Variants in ACSBG1 observed in about 807,000 individuals in gnomAD.
ACSBG1 encodes the protein acyl-CoA synthetase bubblegum family member 1.
A neutral mutation model predicts 80.2 loss-of-function variants in ACSBG1; 39 were observed. That is an observed-to-expected ratio of 0.49 (90% CI 0.38 to 0.64). The LOEUF (loss-of-function observed/expected upper bound fraction) is 0.64. Ranked by LOEUF, ACSBG1 falls within the 30% of genes least tolerant of loss-of-function variation. The probability of loss-of-function intolerance (pLI) is 0.00; values close to 1 mark genes in which losing one functional copy is unlikely to be tolerated. For synonymous variants in ACSBG1, 392 were observed against 379.5 expected (o/e 1.03, Z -0.38); for missense variants, 828 against 966.4 (o/e 0.86, Z 1.90).
intron 2 of ACSBG1, among the ~76,000 whole-genome samples, chr15:78,197,018 TG>T (rs1270412893): frequency 6.6e-6 from 1 of 151,728 alleles, no homozygotes; most frequent in Non-Finnish European, 1.5e-5. Flanking sequence ...GAGCCATGAT[TG>T]CACCACTGCA....
At chr15:78,215,950 G>A (rs1223335644) in intron 1 of ACSBG1, among the ~76,000 whole-genome samples, 2 of 152,164 alleles carry the variant, frequency 1.3e-5, no homozygotes, top group Non-Finnish European at 2.9e-5. Flanking sequence ...AGCCGCCTAT[G>A]ACACTTTTCA....
intron 1 of ACSBG1, among the ~76,000 whole-genome samples, chr15:78,234,063 A>G (rs535549811): frequency 6.6e-6 from 1 of 152,348 alleles, no homozygotes; most frequent in South Asian, 2.1e-4. Context: ...TTGAGGAGAC[A>G]GGGAAACATT....
intron 1 of ACSBG1, among the ~76,000 whole-genome samples, chr15:78,220,473 T>A (rs1394552624): frequency 6.6e-6 from 1 of 152,190 alleles, no homozygotes; most frequent in East Asian, 1.9e-4. Flanking sequence ...TAAATTGGAC[T>A]TCATCAAAAT....
At chr15:78,196,118 T>G (rs775740809) in intron 2 of ACSBG1, among the ~76,000 whole-genome samples, 1 of 152,132 alleles carries the variant, frequency 6.6e-6, no homozygotes. Flanking sequence ...AGAGAGGTGC[T>G]TGGCACCTCT....
rs919912842 is a variant in ACSBG1 at position 78,178,408 on chromosome 15, C to T, written c.1702+206G>A. 6.6e-6 allele frequency among the ~76,000 whole-genome samples: 1 copy of T among 152,188 alleles called. No individual in the cohort carries two copies. The highest frequency in any genetic ancestry group is 1.5e-5 in the Non-Finnish European group (1 of 68,040). On this transcript the variant is annotated intron_variant, in intron 11 of 13. Coordinates refer to ENST00000258873, the MANE Select transcript of ACSBG1 (RefSeq NM_015162.5). This position sits in a 1 kb window ranked among gnomAD's most constrained non-coding sequence, Gnocchi z 4.3. The stretch of plus-strand genomic sequence containing the variant: ...CTGCCTCCCGGGTTCAAGTAATTCT[C>T]GTGCCTCAGCCTCCCGAATAGCTGG...
chr15:78,221,046 CA>C (rs1448353968), intron 1 of ACSBG1, among the ~76,000 whole-genome samples: 1 of 152,204 alleles, frequency 6.6e-6, no homozygotes, highest in African/African-American at 2.4e-5. Context: ...AATATTAAAA[CA>C]ACCCTGAAGG....
At chr15:78,214,184 G>T (rs1488393767) in intron 1 of ACSBG1, among the ~76,000 whole-genome samples, 1 of 152,160 alleles carries the variant, frequency 6.6e-6, no homozygotes, top group African/African-American at 2.4e-5. Flanking sequence ...ACAGGGACTA[G>T]CCGGTCTGTG....
chr15:78,193,565 C>A lies in ACSBG1; in HGVS notation c.604G>T (p.Asp202Tyr). 6.2e-7 allele frequency: 1 copy of A among 1,613,836 alleles called. No individual in the cohort carries two copies. Among genetic ancestry groups the A allele is most frequent in the South Asian group, 1.1e-5 (1 of 91,014 alleles). Residue 202 changes from aspartate to tyrosine, a missense_variant, in exon 5 of 14, where the codon GAC (aspartate) becomes TAC (tyrosine). By Grantham distance (160) the Asp-to-Tyr change is radical (BLOSUM62 -3). Coordinates refer to ENST00000258873, the MANE Select transcript of ACSBG1 (RefSeq NM_015162.5). The part of the protein sequence containing the change: ...SPEACQYIAY[D>Y]CCANVIMVDT... The stretch of plus-strand genomic sequence containing the variant: ...ACCATGATGACATTGGCGCAGCAGT[C>A]ATAAGCGATGTACTGGCAGGCCTCT...
chr15:78,168,846 C>A lies in ACSBG1; in HGVS notation c.*2598G>T. ...AGTAACTTGCCCAGGTGGCATCTCACTGAGGGCTTTAAAATCTCCTTGGTT... is the reference window on the plus strand; with the variant it reads ...AGTAACTTGCCCAGGTGGCATCTCAATGAGGGCTTTAAAATCTCCTTGGTT... On this transcript the variant is annotated 3_prime_UTR_variant, in exon 14 of 14. Transcript: ENST00000258873. 2.1e-6 allele frequency: 2 copies of A among 938,176 alleles called. No homozygotes were observed. The highest frequency in any genetic ancestry group is 3.4e-6 in the Non-Finnish European group (2 of 581,678). The allele number at this position is 938,176 out of a possible 1,614,324, so 58.1% of individuals were successfully genotyped here.
intron 2 of ACSBG1, 79 bp from the exon 3 acceptor site, chr15:78,194,805 C>T (rs986075032): frequency 2.8e-6 from 4 of 1,441,554 alleles, no homozygotes; most frequent in Admixed American, 3.7e-5. Context: ...GCTCGCAGCC[C>T]GTCTGGTGCT....
At chr15:78,171,781 T>C (rs1169042739) in intron 13 of ACSBG1, 1 of 363,312 alleles carries the variant, frequency 2.8e-6, no homozygotes, top group South Asian at 4.6e-5. Context: ...CCTCTGAGAA[T>C]AGGTTATAAA....
chr15:78,230,666 T>C (rs2075438528), intron 1 of ACSBG1, among the ~76,000 whole-genome samples: 1 of 152,202 alleles, frequency 6.6e-6, no homozygotes, highest in Non-Finnish European at 1.5e-5. Flanking sequence ...CTGTTCTCGT[T>C]ACAGTAAGTC....
intron 1 of ACSBG1, among the ~76,000 whole-genome samples, chr15:78,231,773 GAGAC>G: frequency 6.6e-6 from 1 of 152,166 alleles, no homozygotes; most frequent in East Asian, 1.9e-4. Context: ...ATTTTTAGCA[GAGAC>G]AAGGTCTTGC....
At chr15:78,188,728 G>C (rs1449829574) in intron 5 of ACSBG1, among the ~76,000 whole-genome samples, 4 of 144,012 alleles carry the variant, frequency 2.8e-5, no homozygotes, top group African/African-American at 1.0e-4. Context: ...AACCCTAGAA[G>C]AAAACCTAGG....
In ACSBG1 at chr15:78,178,842, A is replaced by G; in HGVS notation, c.1485-11T>C. On this transcript the variant is annotated splice_polypyrimidine_tract_variant and intron_variant, in intron 10 of 13. Transcript: ENST00000258873. The surrounding 1 kb of genome is among the most constrained non-coding windows in gnomAD (Gnocchi z 4.3). ...ACCAACTTGCCTGAGCTGGCGAGGG[A>G]GGGGCCGGGAGACTGGTCAGAGGGA... is the stretch of plus-strand genomic sequence containing the variant. 1 of 1,597,546 alleles carries G rather than the reference A, an allele frequency of 6.3e-7. No homozygotes were observed.
Position 78,234,431 on chromosome 15 carries a change from G to C in ACSBG1, c.71C>G (p.Thr24Ser), listed in dbSNP as rs761076683. The change falls in exon 1 of 14, where the codon ACC (threonine) becomes AGC (serine). Residue 24 changes from threonine to serine, a missense_variant. Physicochemically the swap from Thr to Ser is moderately conservative, Grantham distance 58. This residue lies in a region of ACSBG1 where 356 missense variants were observed against 363.5 expected (regional missense o/e 0.98). Coordinates refer to ENST00000258873, the MANE Select transcript of ACSBG1 (RefSeq NM_015162.5). ...GDPSMLDSRE[T>S]PQESRQDMIV... The stretch of plus-strand genomic sequence containing the variant: ...CATGTCCTGCCGGCTCTCCTGTGGG[G>C]TCTCTCTGCTGTCCAGCATGCTGGG... 3 of 1,612,978 alleles carry C rather than the reference G, an allele frequency of 1.9e-6. No homozygotes were observed. The African/African-American group carries it at 4.0e-5, about 22-fold the overall frequency.
At chr15:78,204,575 C>T (rs1281968945) in intron 2 of ACSBG1, among the ~76,000 whole-genome samples, 1 of 152,218 alleles carries the variant, frequency 6.6e-6, no homozygotes, top group Non-Finnish European at 1.5e-5. Context: ...TCTGAGGACC[C>T]CCAGAGGTTC....
rs1184989002 is a variant in ACSBG1 at position 78,169,808 on chromosome 15, C to T, written c.*1636G>A. On this transcript the variant is annotated 3_prime_UTR_variant, in exon 14 of 14. Transcript: ENST00000258873. ...ATCATGAGTTGTCACAGCCTCTGAGCCCCTGATCTGAAGCCAGAAGGGCTG... is the reference window on the plus strand; with the variant it reads ...ATCATGAGTTGTCACAGCCTCTGAGTCCCTGATCTGAAGCCAGAAGGGCTG... The T allele has an allele frequency of 5.3e-5, 8 of 152,170 alleles. No homozygotes were observed. The allele number at this position is 152,170 out of a possible 1,614,324, so 9.4% of individuals were successfully genotyped here.
intron 1 of ACSBG1, among the ~76,000 whole-genome samples, chr15:78,215,620 C>A (rs190740111): frequency 1.6e-4 from 24 of 151,304 alleles, no homozygotes; most frequent in Non-Finnish European, 2.7e-4. Context: ...TGTGCCATTG[C>A]ACTCCAGCCT....
Sources: allele counts gnomAD v4.1 joint callset (sites outside exome capture counted in the v4.1 genomes callset), GRCh38; gene constraint gnomAD v4.1.1; regional missense constraint gnomAD v4.1.1; non-coding constraint Gnocchi (gnomAD v3.1); transcripts MANE v1.5; gene names NCBI Gene and HGNC (gene_info 2026-07-23, HGNC 2026-07-21).